The following CYP46A1 variants were observed in gnomAD, a reference collection of about 807,000 sequenced individuals.
The protein encoded by CYP46A1 is cholesterol 24-hydroxylase.
A neutral mutation model predicts 63.3 loss-of-function variants in CYP46A1; 20 were observed. The ratio of observed to expected loss-of-function variants is 0.32; its 90% CI spans 0.22 to 0.46. The LOEUF is 0.46. Ranked by LOEUF, CYP46A1 falls within the 20% of genes least tolerant of loss-of-function variation. The pLI, the probability that CYP46A1 is intolerant of heterozygous loss-of-function variation, is 1.00. For synonymous variants in CYP46A1, 268 were observed against 273.6 expected, an observed-to-expected ratio of 0.98 and a Z score of 0.20; for missense variants, 445 against 670.8, an observed-to-expected ratio of 0.66 and a Z score of 3.72.
intron 1 of CYP46A1, among the ~76,000 whole-genome samples, chr14:99,689,729 A>C (rs1392578995): frequency 2.0e-5 from 3 of 151,962 alleles, no homozygotes; most frequent in African/African-American, 7.3e-5. Context: ...TCTTCTTATC[A>C]TTGCCTCCGC....
chr14:99,727,017 T>G lies in CYP46A1; in HGVS notation c.*290T>G. The G allele has an allele frequency of 2.7e-6, 1 of 368,310 alleles. No individual in the cohort carries two copies. Among genetic ancestry groups the G allele is most frequent in the Non-Finnish European group, 4.9e-6 (1 of 206,102 alleles). 22.8% of individuals were successfully genotyped at this position (368,310 alleles called of 1,614,324 possible). A position where few individuals can be genotyped will look rare whatever the true frequency, so the allele number is the denominator to read the frequency against. On this transcript the variant is annotated 3_prime_UTR_variant, in exon 15 of 15. Coordinates refer to ENST00000261835, the MANE Select transcript of CYP46A1 (RefSeq NM_006668.2). ...TTGCTCAGACGAGACACCCTAACTC[T>G]TGCTCACTCCCTAAAGCCCTCTTCA...
Position 99,716,058 on chromosome 14 carries a change from A to C in CYP46A1, c.845-79A>C, listed in dbSNP as rs548500713. On this transcript the variant is annotated intron_variant, in intron 8 of 14. Coordinates refer to ENST00000261835, the MANE Select transcript of CYP46A1 (RefSeq NM_006668.2). ...TGACTCTGTTTGGCTTAAGAGGAGA[A>C]ACACAGTTAGTTATTTTATGAGCCA... 1,767 of 1,611,580 alleles carry C rather than the reference A, an allele frequency of 1.1e-3. 3 individuals are homozygous for C. Among genetic ancestry groups the C allele is most frequent in the Non-Finnish European group, 1.4e-3 (1,623 of 1,177,922 alleles).
rs533162800 is a variant in CYP46A1, at chr14:99,699,162, C to G, written c.283-304C>G. Among the ~76,000 whole-genome samples, 6 of 152,186 alleles carry G rather than the reference C, an allele frequency of 3.9e-5. 1 individual carries two copies. In the South Asian group the frequency reaches 1.2e-3, roughly 32 times the overall value. ...GCAGCATTTGCCTTTTCCTGTTTTG[C>G]TGCTTTGGAAGGTGACATGGTATGG... On this transcript the variant is annotated intron_variant, in intron 3 of 14. Transcript: ENST00000261835.
chr14:99,706,433 C>A, intron 5 of CYP46A1: 1 of 562,198 alleles, frequency 1.8e-6, no homozygotes, highest in Non-Finnish European at 3.2e-6. Context: ...GAACAGCATC[C>A]ATCCTGAGTG....
chr14:99,721,430 T>C (rs1479564381), intron 11 of CYP46A1, 107 bp downstream of exon 11: 5 of 793,160 alleles, frequency 6.3e-6, no homozygotes, highest in Non-Finnish European at 8.8e-6. Flanking sequence ...CTTTGCTGCA[T>C]AGGGTCCTCC....
Position 99,707,639 on chromosome 14 carries a change from G to A in CYP46A1, c.654G>A (p.Met218Ile), listed in dbSNP as rs1224906364. The change falls in exon 7 of 15, where the codon ATG becomes ATA. Residue 218 changes from methionine to isoleucine, a missense_variant. Met to Ile is a conservative substitution (Grantham distance 10, BLOSUM62 1). Transcript: ENST00000261835. ...QKPLSQAVKL[M>I]LEGITASRNT... ...CTCTGTCCCAGGCAGTGAAACTTAT[G>A]TTGGAGGGAATCACTGCGTCCCGCA... The A allele has an allele frequency of 1.2e-6, 2 of 1,614,002 alleles. No individual in the cohort carries two copies. The highest frequency in any genetic ancestry group is 1.7e-6 in the Non-Finnish European group (2 of 1,180,000).
chr14:99,707,009 C>T lies in CYP46A1; in HGVS notation c.582+224C>T, dbSNP rs116887520. On this transcript the variant is annotated intron_variant, in intron 6 of 14. Coordinates refer to ENST00000261835, the MANE Select transcript of CYP46A1 (RefSeq NM_006668.2). The stretch of plus-strand genomic sequence containing the variant: ...CTCATTCTTGAGCAAGGGACAGGTG[C>T]AGGGCCTGGCCTGTAGCTGGTCAAT... Among the ~76,000 whole-genome samples the T allele has an allele frequency of 1.4e-3, 207 of 152,338 alleles. 5 individuals carry two copies. In the East Asian group the frequency reaches 0.035, roughly 26 times the overall value.
chr14:99,687,512 CG>C (rs2056504790), intron 1 of CYP46A1, among the ~76,000 whole-genome samples: 1 of 152,102 alleles, frequency 6.6e-6, no homozygotes, highest in South Asian at 2.1e-4. Flanking sequence ...GCTGAGCACT[CG>C]CCACCCTGCC....
rs1194130514 is a variant in CYP46A1, at chr14:99,684,340, C to A, written c.-78C>A. 9.1e-6 allele frequency: 8 copies of A among 883,298 alleles called. No individual in the cohort carries two copies. The East Asian group carries it at 2.0e-4, about 22-fold the overall frequency. The allele number at this position is 883,298 out of a possible 1,614,324, so 54.7% of individuals were successfully genotyped here. A position where few individuals can be genotyped will look rare whatever the true frequency, so the allele number is the denominator to read the frequency against. ...GGGCCGAGGCGGCGCGCGGCGCTGACAGCTGAGTCGGCTCGCGGCCTCCCG... is the reference window on the plus strand; with the variant it reads ...GGGCCGAGGCGGCGCGCGGCGCTGAAAGCTGAGTCGGCTCGCGGCCTCCCG... On this transcript the variant is annotated 5_prime_UTR_variant, in exon 1 of 15. Coordinates refer to ENST00000261835, the MANE Select transcript of CYP46A1 (RefSeq NM_006668.2).
chr14:99,712,440 T>C (rs1483672277), intron 7 of CYP46A1: 2 of 152,060 alleles, frequency 1.3e-5, no homozygotes, highest in Non-Finnish European at 2.9e-5. Context: ...ATGACTTCAG[T>C]AAAGTTGTGG....
chr14:99,692,539 C>CA (rs2056552926), intron 3 of CYP46A1, among the ~76,000 whole-genome samples: 3 of 150,604 alleles, frequency 2.0e-5, no homozygotes, highest in Non-Finnish European at 3.0e-5. Flanking sequence ...AACTCCATCT[C>CA]AAAAAAAGGG....
chr14:99,723,154 ATTAC>A (rs1401074327), intron 12 of CYP46A1: 8 of 232,524 alleles, frequency 3.4e-5, no homozygotes, highest in Admixed American at 9.7e-5. Context: ...TGCTTTCCTG[ATTAC>A]TAACTAGTAA....
At chr14:99,710,605 A>T (rs2056720678) in intron 7 of CYP46A1, 1 of 152,172 alleles carries the variant, frequency 6.6e-6, no homozygotes, top group African/African-American at 2.4e-5. Context: ...TGATAAAGGG[A>T]TCAATTCTGC....
Position 99,722,059 on chromosome 14 carries a change from C to T in CYP46A1, c.1169C>T (p.Pro390Leu), listed in dbSNP as rs748564064. Reference sequence around the variant, plus strand: ...GGGGTCAGAGTCCCCGGCAACACCCCGCTCTTGGTGGGTGGAGGCCCTGGG... The same window carrying T: ...GGGGTCAGAGTCCCCGGCAACACCCTGCTCTTGGTGGGTGGAGGCCCTGGG... Reference protein sequence around the residue: ...IDGVRVPGNTPLLFSTYVMGR... With the variant: ...IDGVRVPGNTLLLFSTYVMGR... The change falls in exon 12 of 15, where the codon CCG becomes CTG. Residue 390 changes from proline (P) to leucine (L), a missense_variant. Physicochemically the swap from Pro to Leu is moderately conservative, Grantham distance 98 (BLOSUM62 -3). This residue lies in a region of CYP46A1 where 95 missense variants were observed against 156.9 expected (regional missense o/e 0.61). Transcript: ENST00000261835. The surrounding 1 kb of genome is among the most constrained non-coding windows in gnomAD (Gnocchi z 4.6). 5.0e-6 allele frequency: 8 copies of T among 1,611,548 alleles called. No homozygotes were observed. Among genetic ancestry groups the T allele is most frequent in the South Asian group, 1.1e-5 (1 of 91,014 alleles).
intron 5 of CYP46A1, among the ~76,000 whole-genome samples, chr14:99,702,490 A>ATG (rs2056640425): frequency 6.6e-6 from 1 of 152,190 alleles, no homozygotes; most frequent in African/African-American, 2.4e-5. Flanking sequence ...TTTGAGTCAC[A>ATG]TGGTAACTCT....
At chr14:99,711,578 A>C (rs12435858) in intron 7 of CYP46A1, 1 of 151,948 alleles carries the variant, frequency 6.6e-6, no homozygotes, top group Non-Finnish European at 1.5e-5. Context: ...GATTGAACAA[A>C]GAAGAAATAG....
chr14:99,721,669 G>A (rs1283573687), intron 11 of CYP46A1, among the ~76,000 whole-genome samples: 6 of 152,158 alleles, frequency 3.9e-5, no homozygotes, highest in African/African-American at 9.7e-5. Context: ...CACAGCAGGA[G>A]GGCTTGCAGC....
intron 9 of CYP46A1, chr14:99,717,802 C>A (rs889314307): frequency 3.1e-5 from 14 of 452,674 alleles, no homozygotes; most frequent in South Asian, 8.8e-5. Context: ...GTGTCCCCCC[C>A]ACTCTCCCTG....
chr14:99,716,270 C>A, intron 9 of CYP46A1, 71 bp downstream of exon 9: 1 of 1,548,516 alleles, frequency 6.5e-7, no homozygotes, highest in Non-Finnish European at 8.9e-7. Flanking sequence ...ATCCCTCAAA[C>A]CCAACTCTTT....
Sources: gnomAD v4.1 joint callset for allele counts (sites outside exome capture counted in the v4.1 genomes callset) on GRCh38, gnomAD v4.1.1 for gene constraint, gnomAD v4.1.1 regional missense constraint, Gnocchi (gnomAD v3.1) non-coding constraint, MANE v1.5 for transcripts, NCBI Gene and HGNC (gene_info 2026-07-23, HGNC 2026-07-21) for gene names.